The following SGCD variants were observed in gnomAD, a reference collection of about 807,000 sequenced individuals.
The protein encoded by SGCD is delta-sarcoglycan.
Under a neutral mutation model 36.6 loss-of-function variants are expected in SGCD, and 18 were observed. The ratio of observed to expected loss-of-function variants is 0.49; its 90% CI spans 0.34 to 0.73. The LOEUF (loss-of-function observed/expected upper bound fraction) is 0.73, where lower values mean the gene tolerates loss of function less well. SGCD is among the 30% of genes least tolerant of loss of function. The pLI is 0.01. For missense variants in SGCD, 387 were observed against 346.7 expected, an observed-to-expected ratio of 1.12 and a Z score of -0.92; for synonymous variants, 133 against 130.6, an observed-to-expected ratio of 1.02 and a Z score of -0.12.
chr5:155,848,640 C>CT, the SGCD span, among the ~76,000 whole-genome samples: 1 of 152,102 alleles, frequency 6.6e-6, no homozygotes, highest in Non-Finnish European at 1.5e-5. Flanking sequence ...ATTAATAGTA[C>CT]TTTTTTCAAA....
intron 3 of SGCD, among the ~76,000 whole-genome samples, chr5:156,461,806 C>G (rs2127818114): frequency 6.6e-6 from 1 of 152,192 alleles, no homozygotes; most frequent in South Asian, 2.1e-4. Context: ...GACTTTCTTC[C>G]TCTGAAAATA....
At chr5:156,346,917 C>A (rs1452293233) in intron 3 of SGCD, among the ~76,000 whole-genome samples, 1 of 152,034 alleles carries the variant, frequency 6.6e-6, no homozygotes, top group Non-Finnish European at 1.5e-5. Context: ...CCTGCCTCAG[C>A]CTCCCGAGTA....
the SGCD span, among the ~76,000 whole-genome samples, chr5:155,756,112 A>G: frequency 6.6e-6 from 1 of 152,192 alleles, no homozygotes; most frequent in Admixed American, 6.5e-5. Context: ...CAGCTGCATG[A>G]CCTTGTGAAC....
At chr5:155,820,552 C>T in the SGCD span, among the ~76,000 whole-genome samples, 1 of 151,870 alleles carries the variant, frequency 6.6e-6, no homozygotes, top group Non-Finnish European at 1.5e-5. Flanking sequence ...ATAAAACTAG[C>T]CCAGTGTGGT....
At position 156,032,578 on chromosome 5, in the gene SGCD, C is replaced by T. The variant is rs146614583; in HGVS notation, c.-281-85300C>T. Among the ~76,000 whole-genome samples, 597 of 151,266 alleles carry T rather than the reference C, an allele frequency of 3.9e-3. 5 individuals are homozygous for T. Among genetic ancestry groups the T allele is most frequent in the African/African-American group, 0.013 (541 of 41,126 alleles). On this transcript the variant is annotated intron_variant, in intron 1 of 9. Coordinates refer to the SGCD transcript ENST00000517913. ...CTAAATATACAAAACATTAGCTGGG[C>T]GTGGTGGCAGGCGCCGGTATTCTCA... is the stretch of plus-strand genomic sequence containing the variant.
chr5:156,657,238 C>CTTTTA (rs757172028), intron 7 of SGCD, among the ~76,000 whole-genome samples: 1 of 150,758 alleles, frequency 6.6e-6, no homozygotes, highest in Non-Finnish European at 1.5e-5. Flanking sequence ...TTTCCTCTCT[C>CTTTTA]TTTTATTTTA....
intron 2 of SGCD, among the ~76,000 whole-genome samples, chr5:156,332,774 T>C (rs1768132045): frequency 6.6e-6 from 1 of 152,122 alleles, no homozygotes; most frequent in Admixed American, 6.6e-5. Context: ...GTGATAGATA[T>C]CAGAATACTC....
chr5:156,086,436 G>T (rs1354330304), intron 1 of SGCD, among the ~76,000 whole-genome samples: 1 of 152,196 alleles, frequency 6.6e-6, no homozygotes, highest in Non-Finnish European at 1.5e-5. Flanking sequence ...CCTTAAAGAA[G>T]CCATTTCAAA....
chr5:156,712,521 C>A (rs1280391928), intron 7 of SGCD, among the ~76,000 whole-genome samples: 6 of 152,140 alleles, frequency 3.9e-5, no homozygotes, highest in African/African-American at 1.4e-4. Context: ...CCGTTGTTTG[C>A]AAATATTAGA....
At chr5:156,346,002 C>A (rs191910966) in intron 3 of SGCD, among the ~76,000 whole-genome samples, 3 of 152,076 alleles carry the variant, frequency 2.0e-5, no homozygotes, top group African/African-American at 7.2e-5. Context: ...ATTTACCACT[C>A]CAGATAATAA....
intron 1 of SGCD, among the ~76,000 whole-genome samples, chr5:156,029,982 C>T (rs930426314): frequency 4.6e-5 from 7 of 152,156 alleles, no homozygotes; most frequent in Admixed American, 6.6e-5. Context: ...ACCTACCTCC[C>T]TCACCTCCCA....
At chr5:156,470,901 T>A (rs574650490) in intron 3 of SGCD, among the ~76,000 whole-genome samples, 6 of 152,322 alleles carry the variant, frequency 3.9e-5, no homozygotes, top group Admixed American at 3.3e-4. Context: ...CCTTAATGAC[T>A]AAAGTATACA....
chr5:156,178,965 G>C (rs1391456506), intron 3 of SGCD, among the ~76,000 whole-genome samples: 1 of 152,132 alleles, frequency 6.6e-6, no homozygotes, highest in East Asian at 1.9e-4. Context: ...CATAGTCACT[G>C]TTTTCACTAA....
chr5:156,313,838 T>C (rs1399803593), intron 3 of SGCD, among the ~76,000 whole-genome samples: 2 of 152,096 alleles, frequency 1.3e-5, no homozygotes, highest in Non-Finnish European at 2.9e-5. Flanking sequence ...TCGCTACTAA[T>C]GTGTAATTTA....
At chr5:156,711,214 G>GT (rs1754978086) in intron 7 of SGCD, among the ~76,000 whole-genome samples, 1 of 152,132 alleles carries the variant, frequency 6.6e-6, no homozygotes, top group African/African-American at 2.4e-5. Flanking sequence ...GGTCCATTCA[G>GT]TTCTTTGGGG....
intron 3 of SGCD, among the ~76,000 whole-genome samples, chr5:156,278,975 G>T (rs564460544): frequency 2.6e-5 from 4 of 152,248 alleles, no homozygotes; most frequent in African/African-American, 9.6e-5. Flanking sequence ...GCAATGTCTG[G>T]AGTTGATTAT....
At chr5:156,479,644 G>T in intron 3 of SGCD, among the ~76,000 whole-genome samples, 1 of 152,184 alleles carries the variant, frequency 6.6e-6, no homozygotes, top group South Asian at 2.1e-4. Context: ...AAGAATCCCT[G>T]CATTTGTCCT....
chr5:155,833,029 GA>G, the SGCD span, among the ~76,000 whole-genome samples: 1 of 117,668 alleles, frequency 8.5e-6, no homozygotes, highest in Admixed American at 1.0e-4. Flanking sequence ...TCAACATCGT[GA>G]AACCCCGTCT....
intron 3 of SGCD, among the ~76,000 whole-genome samples, chr5:156,130,917 C>T (rs191263811): frequency 1.4e-3 from 207 of 152,010 alleles, no homozygotes; most frequent in African/African-American, 4.7e-3. Context: ...TTAGTAGAGA[C>T]GGGGTTTCAC....
Sources: allele counts gnomAD v4.1 joint callset (sites outside exome capture counted in the v4.1 genomes callset), GRCh38; gene constraint gnomAD v4.1.1; transcripts MANE v1.5; gene names NCBI Gene and HGNC (gene_info 2026-07-23, HGNC 2026-07-21).